ELFN2: variants seen among roughly 807,000 people sequenced by gnomAD.
ELFN2 encodes protein phosphatase 1 regulatory subunit 29.
In ELFN2, 17 loss-of-function variants were observed where a neutral mutation model predicts 45.5. The ratio of observed to expected loss-of-function variants is 0.37; its 90% confidence interval spans 0.26 to 0.56. The LOEUF is 0.56. Among genes scored for constraint, ELFN2 ranks in the 20% least tolerant of loss-of-function variants. The pLI is 0.77. For synonymous variants in ELFN2, 550 were observed against 551.5 expected, an observed-to-expected ratio of 1.00 and a Z score of 0.04; for missense variants, 922 against 1,183.2, an observed-to-expected ratio of 0.78 and a Z score of 3.24.
Position 37,417,544 on chromosome 22 carries a change from G to C in ELFN2, c.-463+225C>G, listed in dbSNP as rs566242293. On this transcript the variant is annotated intron_variant, in intron 2 of 2. Transcript: ENST00000402918. The surrounding 1 kb of genome is among the most constrained non-coding windows in gnomAD (Gnocchi z 4.5). ...CCTGCCCACCCTCCCCAGTGGGCTT[G>C]TCTTAGCCCCCAACAGGCCTGCCGC... 6.6e-6 allele frequency among the ~76,000 whole-genome samples: 1 copy of C among 152,304 alleles called. No homozygotes were observed. The highest frequency in any genetic ancestry group is 2.4e-5 in the African/African-American group (1 of 41,574).
At chr22:37,390,769 C>T (rs1207118831) in intron 2 of ELFN2, among the ~76,000 whole-genome samples, 1 of 152,296 alleles carries the variant, frequency 6.6e-6, no homozygotes, top group African/African-American at 2.4e-5. Context: ...TTCTGGGCCT[C>T]GGTTTCCTTG....
At chr22:37,402,187 GCAAACCCTCAAT>G (rs1241559736) in intron 2 of ELFN2, among the ~76,000 whole-genome samples, 3 of 152,238 alleles carry the variant, frequency 2.0e-5, no homozygotes, top group Non-Finnish European at 4.4e-5. Context: ...CTGGCACAGA[GCAAACCCTCAAT>G]AAATGTTAGC....
intron 2 of ELFN2, among the ~76,000 whole-genome samples, chr22:37,377,337 T>A (rs938102262): frequency 2.6e-5 from 4 of 152,154 alleles, no homozygotes; most frequent in Non-Finnish European, 5.9e-5. Flanking sequence ...TCTCCCTCCC[T>A]CTGCCCTGGG....
chr22:37,368,029 G>C lies in ELFN2; in HGVS notation c.*5043C>G, dbSNP rs1225756047. 6.6e-6 allele frequency: 1 copy of C among 152,518 alleles called. No individual in the cohort carries two copies. The highest frequency in any genetic ancestry group is 1.5e-5 in the Non-Finnish European group (1 of 68,044). The allele number at this position is 152,518 out of a possible 1,614,324, so 9.4% of individuals were successfully genotyped here. A position where few individuals can be genotyped will look rare whatever the true frequency, so the allele number is the denominator to read the frequency against. On this transcript the variant is annotated 3_prime_UTR_variant, in exon 3 of 3. Coordinates refer to ENST00000402918, the MANE Select transcript of ELFN2 (RefSeq NM_052906.5). Reference sequence around the variant, plus strand: ...CTCCATACAGGAATCTCCGAGTTGAGGAAAACAATTTCGTGCCATTCAGTT... The same window carrying C: ...CTCCATACAGGAATCTCCGAGTTGACGAAAACAATTTCGTGCCATTCAGTT...
Position 37,353,574 on chromosome 22 carries a change from G to A in ELFN2, n.149-10871C>T, listed in dbSNP as rs564519235. The A allele has an allele frequency of 2.6e-5, 4 of 151,110 alleles. No individual in the cohort carries two copies. The South Asian group carries it at 8.3e-4, about 31-fold the overall frequency. 9.4% of individuals were successfully genotyped at this position (151,110 alleles called of 1,614,324 possible). On this transcript the variant is annotated intron_variant and non_coding_transcript_variant, in intron 1 of 2. Coordinates refer to ENST00000452946, the Ensembl canonical transcript of ELFN2. Reference sequence around the variant, plus strand: ...TTAATTACAAATCAATGAGAGAAACGGAGATAACCTCATGGAAAAATGGAC... The same window carrying A: ...TTAATTACAAATCAATGAGAGAAACAGAGATAACCTCATGGAAAAATGGAC...
At chr22:37,401,130 G>A (rs922738115) in intron 2 of ELFN2, among the ~76,000 whole-genome samples, 1 of 152,198 alleles carries the variant, frequency 6.6e-6, no homozygotes, top group African/African-American at 2.4e-5. Flanking sequence ...GCCAGGTGGG[G>A]CTGCCTGGTC....
chr22:37,366,587 G>C (rs1463010965), downstream of ELFN2, among the ~76,000 whole-genome samples: 1 of 152,270 alleles, frequency 6.6e-6, no homozygotes, highest in Non-Finnish European at 1.5e-5. Flanking sequence ...GGCTCCTGGA[G>C]CCCAGGGTTG....
chr22:37,381,383 T>A (rs192170686), intron 2 of ELFN2, among the ~76,000 whole-genome samples: 46 of 152,244 alleles, frequency 3.0e-4, no homozygotes, highest in South Asian at 8.3e-4. Flanking sequence ...GATGTTTCCA[T>A]CAATCAGGAA....
At chr22:37,418,975 G>A (rs2145689398) in intron 1 of ELFN2, 1 of 152,272 alleles carries the variant, frequency 6.6e-6, no homozygotes, top group East Asian at 1.9e-4. Flanking sequence ...TCCTCCCGAG[G>A]AGGCCCCTCT....
intron 2 of ELFN2, among the ~76,000 whole-genome samples, chr22:37,398,862 GC>G (rs1483511995): frequency 6.6e-6 from 1 of 151,978 alleles, no homozygotes; most frequent in African/African-American, 2.4e-5. Flanking sequence ...TTCCACTCCT[GC>G]CTTACCCACC....
At position 37,375,840 on chromosome 22, in the gene ELFN2, C is replaced by A. The variant is rs916923591; in HGVS notation, c.-306G>T. 1 of 381,966 alleles carries A rather than the reference C, an allele frequency of 2.6e-6. No homozygotes were observed. Among genetic ancestry groups the A allele is most frequent in the Admixed American group, 4.6e-5 (1 of 21,574 alleles). 23.7% of individuals were successfully genotyped at this position (381,966 alleles called of 1,614,324 possible). A position where few individuals can be genotyped will look rare whatever the true frequency, so the allele number is the denominator to read the frequency against. ...TCTCAGGGCTTGACTTCCTCTCCCT[C>A]CTCCTCCTCCTCCTCCTCCTCCTCC... is the stretch of plus-strand genomic sequence containing the variant. On this transcript the variant is annotated 5_prime_UTR_variant, in exon 3 of 3. Coordinates refer to ENST00000402918, the MANE Select transcript of ELFN2 (RefSeq NM_052906.5).
At chr22:37,360,545 C>T (rs1468683375) in intron 1 of ELFN2, among the ~76,000 whole-genome samples, 1 of 152,192 alleles carries the variant, frequency 6.6e-6, no homozygotes, top group East Asian at 1.9e-4. Context: ...GACCACGTAC[C>T]TCTGTACACC....
chr22:37,345,547 CT>C (rs3041585), intron 1 of ELFN2, among the ~76,000 whole-genome samples: 20,019 of 134,626 alleles, frequency 0.15, 1,288 homozygotes, highest in East Asian at 0.26. Flanking sequence ...TTGTTGTTGT[CT>C]TTTTTTTTTT....
At chr22:37,341,209 C>T (rs1162142714) in intron 2 of ELFN2, among the ~76,000 whole-genome samples, 1 of 152,074 alleles carries the variant, frequency 6.6e-6, no homozygotes, top group Non-Finnish European at 1.5e-5. Flanking sequence ...GCAGTCTTGA[C>T]TGGGTCGGGT....
At chr22:37,364,143 G>C (rs1391122701), downstream of ELFN2, among the ~76,000 whole-genome samples, 1 of 152,228 alleles carries the variant, frequency 6.6e-6, no homozygotes, top group Non-Finnish European at 1.5e-5. Flanking sequence ...ACCTGAGCCA[G>C]CAGGGATCAC....
intron 2 of ELFN2, among the ~76,000 whole-genome samples, chr22:37,401,081 G>A (rs768594626): frequency 6.6e-6 from 1 of 152,252 alleles, no homozygotes; most frequent in Non-Finnish European, 1.5e-5. Flanking sequence ...CAGGGTACCA[G>A]GAATTACAAG....
chr22:37,406,477 AC>A (rs1932502783), intron 2 of ELFN2, among the ~76,000 whole-genome samples: 1 of 151,478 alleles, frequency 6.6e-6, no homozygotes, highest in African/African-American at 2.4e-5. Context: ...GAGCAAAGGG[AC>A]CCCCAGACAG....
In ELFN2 at chr22:37,368,196, GT is replaced by G. The variant is rs1333130381; in HGVS notation, c.*4875del. 2 of 152,240 alleles carry G rather than the reference GT, an allele frequency of 1.3e-5. No homozygotes were observed. Among genetic ancestry groups the G allele is most frequent in the African/African-American group, 4.8e-5 (2 of 41,448 alleles). The allele number at this position is 152,240 out of a possible 1,614,324, so 9.4% of individuals were successfully genotyped here. A position where few individuals can be genotyped will look rare whatever the true frequency, so the allele number is the denominator to read the frequency against. On this transcript the variant is annotated 3_prime_UTR_variant, in exon 3 of 3. Coordinates refer to ENST00000402918, the MANE Select transcript of ELFN2 (RefSeq NM_052906.5). ...TTCGTAACACAGCAAGGGTTCACAG[GT>G]TCAGAGCCCAGGGCCTGAGCCCAGC... is the stretch of plus-strand genomic sequence containing the variant.
At position 37,375,069 on chromosome 22, in the gene ELFN2, T is replaced by C. The variant is rs965657453; in HGVS notation, c.466A>G (p.Ile156Val). Residue 156 changes from isoleucine (I) to valine (V), a missense_variant, in exon 3 of 3, where the codon ATC becomes GTC. Transcript: ENST00000402918. ...AFSECPSLISIDLSSNRLSRL... is the reference protein window; with the variant it reads ...AFSECPSLISVDLSSNRLSRL... ...CTGAGGCGGTTGGAGGACAGGTCGA[T>C]GCTGATGAGGCTCGGGCACTCGGAG... is the stretch of plus-strand genomic sequence containing the variant. 4 of 1,613,480 alleles carry C rather than the reference T, an allele frequency of 2.5e-6. No individual in the cohort carries two copies. The highest frequency in any genetic ancestry group is 3.4e-6 in the Non-Finnish European group (4 of 1,180,010).
Sources: allele counts gnomAD v4.1 joint callset (sites outside exome capture counted in the v4.1 genomes callset), GRCh38; gene constraint gnomAD v4.1.1; non-coding constraint Gnocchi (gnomAD v3.1); transcripts MANE v1.5; gene names NCBI Gene and HGNC (gene_info 2026-07-23, HGNC 2026-07-21).